Variants in MYLIP observed in about 807,000 individuals in gnomAD.
The protein encoded by MYLIP is myosin regulatory light chain interacting protein.
A neutral mutation model predicts 45.8 loss-of-function variants in MYLIP; 26 were observed. That is an observed-to-expected ratio of 0.57 (90% CI 0.42 to 0.79). The LOEUF is 0.79. Ranked by LOEUF, MYLIP falls within the 30% of genes least tolerant of loss-of-function variation. The pLI is 0.00. For missense variants in MYLIP, 494 were observed against 555.6 expected, an observed-to-expected ratio of 0.89 and a Z score of 1.11; for synonymous variants, 213 against 218.1, an observed-to-expected ratio of 0.98 and a Z score of 0.21.
Position 16,141,012 on chromosome 6 carries a change from A to C in MYLIP, c.279-613A>C, listed in dbSNP as rs563244948. ...AATAGTTTTCAGAGAGAAGAAAGTC[A>C]AGTGAAATAGGACAAAGAGTCCAAA... is the stretch of plus-strand genomic sequence containing the variant. On this transcript the variant is annotated intron_variant, in intron 2 of 6. Coordinates refer to ENST00000356840, the MANE Select transcript of MYLIP (RefSeq NM_013262.4). Among the ~76,000 whole-genome samples, 17 of 152,354 alleles carry C rather than the reference A, an allele frequency of 1.1e-4. No individual in the cohort carries two copies. The East Asian group carries it at 3.3e-3, about 29-fold the overall frequency.
intron 2 of MYLIP, among the ~76,000 whole-genome samples, chr6:16,135,725 C>T (rs1759535800): frequency 1.4e-5 from 2 of 138,148 alleles, no homozygotes; most frequent in Non-Finnish European, 3.1e-5. Context: ...TGTATATATA[C>T]ACACATTATA....
intron 2 of MYLIP, among the ~76,000 whole-genome samples, chr6:16,139,204 C>A (rs1759613991): frequency 6.6e-6 from 1 of 152,160 alleles, no homozygotes; most frequent in Non-Finnish European, 1.5e-5. Context: ...AGATTGAGAC[C>A]ATCCTGGCTA....
chr6:16,155,837 G>A, the MYLIP span, among the ~76,000 whole-genome samples: 4 of 152,166 alleles, frequency 2.6e-5, no homozygotes, highest in African/African-American at 9.7e-5. Context: ...ACAGCTCAGT[G>A]GGCCCTCTGC....
At chr6:16,151,935 C>T (rs1759884740), downstream of MYLIP, among the ~76,000 whole-genome samples, 1 of 152,108 alleles carries the variant, frequency 6.6e-6, no homozygotes, top group African/African-American at 2.4e-5. Context: ...CTATATGAAA[C>T]AAAAAGATAA....
chr6:16,155,883 G>T, the MYLIP span, among the ~76,000 whole-genome samples: 698 of 146,618 alleles, frequency 4.8e-3, 5 homozygotes, highest in African/African-American at 0.017. Flanking sequence ...CACCAGCAAG[G>T]GTAGAAGGTC....
chr6:16,150,188 C>T (rs566766749), downstream of MYLIP, among the ~76,000 whole-genome samples: 2 of 152,204 alleles, frequency 1.3e-5, no homozygotes, highest in South Asian at 2.1e-4. Context: ...GAGAAAGAAC[C>T]GACAACAGGA....
chr6:16,129,194 G>A lies in MYLIP; in HGVS notation c.-129G>A. The A allele has an allele frequency of 1.0e-6, 1 of 959,144 alleles. No individual in the cohort carries two copies. Among genetic ancestry groups the A allele is most frequent in the Non-Finnish European group, 1.5e-6 (1 of 648,108 alleles). 59.4% of individuals were successfully genotyped at this position (959,144 alleles called of 1,614,324 possible). A position where few individuals can be genotyped will look rare whatever the true frequency, so the allele number is the denominator to read the frequency against. On this transcript the variant is annotated 5_prime_UTR_variant, in exon 1 of 7. Coordinates refer to ENST00000356840, the MANE Select transcript of MYLIP (RefSeq NM_013262.4). This position sits in a 1 kb window ranked among gnomAD's most constrained non-coding sequence, Gnocchi z 5.1. The stretch of plus-strand genomic sequence containing the variant: ...TGGCGGCCGCGGGGCCCCGGACAAG[G>A]GTCCGCAGAGCTGCAGCCTTCGAGG...
In MYLIP at chr6:16,129,166, G is replaced by C. The variant is rs529329092; in HGVS notation, c.-157G>C. ...GCGGGTGAGGGGGTGGCGGGGACGC[G>C]AGTGGCGGCCGCGGGGCCCCGGACA... On this transcript the variant is annotated 5_prime_UTR_variant, in exon 1 of 7. Coordinates refer to ENST00000356840, the MANE Select transcript of MYLIP (RefSeq NM_013262.4). The surrounding 1 kb of genome is among the most constrained non-coding windows in gnomAD (Gnocchi z 5.1). The C allele has an allele frequency of 5.8e-6, 4 of 692,510 alleles. No individual in the cohort carries two copies. The highest frequency in any genetic ancestry group is 9.5e-6 in the Non-Finnish European group (4 of 423,014). 42.9% of individuals were successfully genotyped at this position (692,510 alleles called of 1,614,324 possible). A position where few individuals can be genotyped will look rare whatever the true frequency, so the allele number is the denominator to read the frequency against.
intron 2 of MYLIP, among the ~76,000 whole-genome samples, chr6:16,131,604 TAGC>T (rs1759462167): frequency 6.6e-6 from 1 of 152,240 alleles, no homozygotes; most frequent in South Asian, 2.1e-4. Flanking sequence ...TTTGAAGACA[TAGC>T]AAGCTTTGGA....
chr6:16,156,811 C>G, the MYLIP span, among the ~76,000 whole-genome samples: 1 of 152,208 alleles, frequency 6.6e-6, no homozygotes, highest in South Asian at 2.1e-4. Context: ...AAACCAAAGA[C>G]TGTCCTTACC....
intron 2 of MYLIP, among the ~76,000 whole-genome samples, chr6:16,138,320 C>CAAA (rs78468965): frequency 7.5e-6 from 1 of 133,422 alleles, no homozygotes; most frequent in Non-Finnish European, 1.6e-5. Flanking sequence ...GCCTACTTTA[C>CAAA]AAAAAAAAAA....
chr6:16,163,189 C>T, the MYLIP span, among the ~76,000 whole-genome samples: 1 of 152,166 alleles, frequency 6.6e-6, no homozygotes, highest in African/African-American at 2.4e-5. Context: ...ACACTTTTTC[C>T]TTATTGTTGA....
chr6:16,154,916 G>C, the MYLIP span, among the ~76,000 whole-genome samples: 1 of 152,296 alleles, frequency 6.6e-6, no homozygotes, highest in South Asian at 2.1e-4. Flanking sequence ...TGAGAAGGCA[G>C]ACAGGTAAAA....
chr6:16,145,407 C>A, intron 6 of MYLIP, 90 bp downstream of exon 6: 1 of 1,417,218 alleles, frequency 7.1e-7, no homozygotes, highest in Non-Finnish European at 9.5e-7. Flanking sequence ...CTCGCTAATG[C>A]ACAGACGGGG....
rs532837408 is a variant in MYLIP at position 16,141,942 on chromosome 6, G to A, written c.464+132G>A. 2.6e-5 allele frequency: 21 copies of A among 820,962 alleles called. No individual in the cohort carries two copies. In the South Asian group the frequency reaches 4.4e-4, roughly 17 times the overall value. 50.9% of individuals were successfully genotyped at this position (820,962 alleles called of 1,614,324 possible). A position where few individuals can be genotyped will look rare whatever the true frequency, so the allele number is the denominator to read the frequency against. ...ATTTTTGAGCTCTCTGATGTTCGAGGCACTTAAGAAGTCATACATAATATA... is the reference window on the plus strand; with the variant it reads ...ATTTTTGAGCTCTCTGATGTTCGAGACACTTAAGAAGTCATACATAATATA... On this transcript the variant is annotated intron_variant, in intron 3 of 6. Coordinates refer to ENST00000356840, the MANE Select transcript of MYLIP (RefSeq NM_013262.4).
At chr6:16,153,285 G>C in the MYLIP span, among the ~76,000 whole-genome samples, 1 of 152,154 alleles carries the variant, frequency 6.6e-6, no homozygotes, top group Admixed American at 6.5e-5. Flanking sequence ...AAAACGGTAG[G>C]ATAAAAATAT....
the MYLIP span, among the ~76,000 whole-genome samples, chr6:16,159,424 A>G: frequency 1.3e-5 from 2 of 152,188 alleles, no homozygotes; most frequent in Admixed American, 6.5e-5. Context: ...AAACACTGTA[A>G]GTATTGTGGA....
At chr6:16,130,525 G>A in intron 1 of MYLIP, 32 bp from the exon 2 acceptor site, 1 of 1,604,252 alleles carries the variant, frequency 6.2e-7, no homozygotes, top group Non-Finnish European at 8.5e-7. Context: ...CGTACCATTT[G>A]CTCATCCAGG....
intron 2 of MYLIP, among the ~76,000 whole-genome samples, chr6:16,139,801 T>C (rs919489620): frequency 2.6e-5 from 4 of 152,344 alleles, no homozygotes; most frequent in Admixed American, 2.6e-4. Flanking sequence ...ACCATCTTTA[T>C]CTTCTTTGAG....
Sources: gnomAD v4.1 joint callset for allele counts (sites outside exome capture counted in the v4.1 genomes callset) on GRCh38, gnomAD v4.1.1 for gene constraint, Gnocchi (gnomAD v3.1) non-coding constraint, MANE v1.5 for transcripts, NCBI Gene and HGNC (gene_info 2026-07-23, HGNC 2026-07-21) for gene names.